Variants in FLNB observed in about 807,000 individuals in gnomAD.
FLNB encodes filamin-B.
FLNB carries 111 observed loss-of-function variants against 250.6 expected under a neutral mutation model. That is an observed-to-expected ratio of 0.44 (90% CI 0.38 to 0.52). The LOEUF is 0.52. Among genes scored for constraint, FLNB ranks in the 20% least tolerant of loss-of-function variants. The probability of loss-of-function intolerance (pLI) is 0.00; values close to 1 mark genes in which losing one functional copy is unlikely to be tolerated. For missense variants in FLNB, 2,869 were observed against 3,447.8 expected, an observed-to-expected ratio of 0.83 and a Z score of 4.20; for synonymous variants, 1,302 against 1,372.1, an observed-to-expected ratio of 0.95 and a Z score of 1.13.
intron 4 of FLNB, among the ~76,000 whole-genome samples, chr3:58,090,397 A>AT (rs1163052079): frequency 1.3e-5 from 2 of 152,210 alleles, no homozygotes; most frequent in Non-Finnish European, 2.9e-5. Context: ...CTAAAATATA[A>AT]TGATAAAAAG....
At chr3:58,067,836 A>G (rs561988138) in intron 1 of FLNB, among the ~76,000 whole-genome samples, 7 of 152,072 alleles carry the variant, frequency 4.6e-5, no homozygotes, top group Non-Finnish European at 1.0e-4. Flanking sequence ...CCGCCTCCCA[A>G]AGTGCTGGGA....
At position 58,163,267 on chromosome 3, in the gene FLNB, G is replaced by A. The variant is rs2097364651; in HGVS notation, c.7135G>A (p.Gly2379Arg). The change falls in exon 43 of 46, where the codon GGA becomes AGA. Residue 2379 changes from glycine to arginine, a missense_variant. Coordinates refer to ENST00000295956, the MANE Select transcript of FLNB (RefSeq NM_001457.4). ...SPFKVRVGEP[G>R]QAGNPALVSA... is the part of the protein sequence containing the mutation. ...CTTCAAAGTGCGCGTTGGGGAGCCT[G>A]GACAAGCGGGGAACCCTGCCCTGGT... The A allele has an allele frequency of 6.2e-7, 1 of 1,614,244 alleles. No homozygotes were observed. The highest frequency in any genetic ancestry group is 1.1e-5 in the South Asian group (1 of 91,088).
chr3:58,036,848 G>A (rs955698836), intron 1 of FLNB, among the ~76,000 whole-genome samples: 2 of 152,148 alleles, frequency 1.3e-5, no homozygotes, highest in Admixed American at 6.6e-5. Flanking sequence ...AAGGTTAGAA[G>A]CAAGATGGAG....
intron 1 of FLNB, among the ~76,000 whole-genome samples, chr3:58,045,937 T>C (rs1016064577): frequency 1.4e-5 from 2 of 141,178 alleles, no homozygotes; most frequent in Non-Finnish European, 3.0e-5. Context: ...GAGGTGGAGG[T>C]TGCAGTGAGC....
intron 1 of FLNB, among the ~76,000 whole-genome samples, chr3:58,043,141 CTTTTT>C (rs58727890): frequency 9.8e-6 from 1 of 101,982 alleles, no homozygotes; most frequent in East Asian, 3.4e-4. Flanking sequence ...TTTGGCATTC[CTTTTT>C]TTTTTTTTTT....
intron 1 of FLNB, among the ~76,000 whole-genome samples, chr3:58,074,624 A>T (rs1423363691): frequency 6.6e-6 from 1 of 152,224 alleles, no homozygotes; most frequent in Non-Finnish European, 1.5e-5. Flanking sequence ...GTGAATTTGT[A>T]TCTGTTTCCT....
chr3:58,155,820 G>A, intron 40 of FLNB, 140 bp from the exon 41 acceptor site: 1 of 677,638 alleles, frequency 1.5e-6, no homozygotes, highest in Admixed American at 2.1e-5. Context: ...GCCTCAGCCA[G>A]GCGACTCCCA....
intron 28 of FLNB, among the ~76,000 whole-genome samples, chr3:58,136,917 A>G (rs922197896): frequency 2.0e-5 from 3 of 151,514 alleles, no homozygotes; most frequent in Non-Finnish European, 4.4e-5. Context: ...TCAGGGTTTC[A>G]CCATAATTGG....
chr3:58,104,057 A>C lies in FLNB; in HGVS notation c.1582A>C (p.Thr528Pro). The C allele has an allele frequency of 6.2e-7, 1 of 1,613,978 alleles. No homozygotes were observed. The highest frequency in any genetic ancestry group is 8.5e-7 in the Non-Finnish European group (1 of 1,180,018). Residue 528 changes from threonine (T) to proline (P), a missense_variant, in exon 10 of 46, where the codon ACA becomes CCA. Physicochemically the swap from Thr to Pro is conservative, Grantham distance 38 (BLOSUM62 -1). Coordinates refer to ENST00000295956, the MANE Select transcript of FLNB (RefSeq NM_001457.4). Reference protein sequence around the residue: ...STPGRYSIAITWGGHHIPKSP... With the variant: ...STPGRYSIAIPWGGHHIPKSP... ...CCCGGGGAGATACAGCATTGCCATC[A>C]CATGGGGGGGACACCACATTCCAAA...
At chr3:58,093,171 A>G (rs960187689) in intron 4 of FLNB, among the ~76,000 whole-genome samples, 15 of 152,180 alleles carry the variant, frequency 9.9e-5, no homozygotes, top group African/African-American at 3.4e-4. Context: ...GCAGTTGTGT[A>G]GTGAAGGATA....
At chr3:58,109,146 C>T (rs1056297554) in intron 13 of FLNB, 33 bp from the exon 14 acceptor site, 2 of 1,613,938 alleles carry the variant, frequency 1.2e-6, no homozygotes, top group Non-Finnish European at 1.7e-6. Context: ...AGTGTGAGGG[C>T]CACCTCTGGT....
intron 4 of FLNB, among the ~76,000 whole-genome samples, chr3:58,088,036 G>GA (rs2097220175): frequency 1.8e-5 from 2 of 112,318 alleles, no homozygotes; most frequent in Non-Finnish European, 3.6e-5. Context: ...ACGGCGCCCA[G>GA]CCTTTTTTTT....
intron 1 of FLNB, among the ~76,000 whole-genome samples, chr3:58,039,561 T>A (rs954155293): frequency 6.6e-6 from 1 of 152,174 alleles, no homozygotes; most frequent in African/African-American, 2.4e-5. Flanking sequence ...CCTACTAGAC[T>A]TGACTCTACT....
At position 58,142,952 on chromosome 3, in the gene FLNB, C is replaced by T. The variant is rs373586433; in HGVS notation, c.5284+200C>T. 1.3e-5 allele frequency among the ~76,000 whole-genome samples: 2 copies of T among 152,228 alleles called. No individual in the cohort carries two copies. Among genetic ancestry groups the T allele is most frequent in the African/African-American group, 4.8e-5 (2 of 41,462 alleles). On this transcript the variant is annotated intron_variant, in intron 31 of 45. Transcript: ENST00000295956. The surrounding 1 kb of genome is among the most constrained non-coding windows in gnomAD (Gnocchi z 4.3). ...TGTGTGTTTCTCTGAAGAAGTGGCTCACTGACAACTTGCATTACTTTCTTG... is the reference window on the plus strand; with the variant it reads ...TGTGTGTTTCTCTGAAGAAGTGGCTTACTGACAACTTGCATTACTTTCTTG...
chr3:58,152,054 G>A (rs2097346000), intron 38 of FLNB, among the ~76,000 whole-genome samples: 1 of 152,176 alleles, frequency 6.6e-6, no homozygotes, highest in South Asian at 2.1e-4. Context: ...AAATTTCTGT[G>A]CTCTGCTTAT....
rs528074020 is a variant in FLNB, at chr3:58,041,105, G to A, written c.292+32249G>A. On this transcript the variant is annotated intron_variant, in intron 1 of 45. Coordinates refer to ENST00000295956, the MANE Select transcript of FLNB (RefSeq NM_001457.4). ...CTGAGGAAACTGAGGCTACATTTAC[G>A]GTCACCTAGCTGGCAAGCAAGTGGC... Among the ~76,000 whole-genome samples, 50 of 152,208 alleles carry A rather than the reference G, an allele frequency of 3.3e-4. No homozygotes were observed. The South Asian group carries it at 6.2e-3, about 19-fold the overall frequency.
chr3:58,135,870 TTCTG>T lies in FLNB; in HGVS notation c.4672-103_4672-100del, dbSNP rs2097315058. 2.5e-5 allele frequency: 28 copies of T among 1,107,564 alleles called. No homozygotes were observed. The South Asian group carries it at 3.5e-4, about 14-fold the overall frequency. The allele number at this position is 1,107,564 out of a possible 1,614,324, so 68.6% of individuals were successfully genotyped here. A position where few individuals can be genotyped will look rare whatever the true frequency, so the allele number is the denominator to read the frequency against. ...AAACTAGATTGTATTAAGCCATCAA[TTCTG>T]TCTGTTTCCACTAGAGGCACTAATT... On this transcript the variant is annotated intron_variant, in intron 27 of 45. Coordinates refer to ENST00000295956, the MANE Select transcript of FLNB (RefSeq NM_001457.4).
chr3:58,086,217 T>C (rs1428421266), intron 4 of FLNB, among the ~76,000 whole-genome samples: 1 of 150,456 alleles, frequency 6.6e-6, no homozygotes, highest in South Asian at 2.1e-4. Context: ...CCCAGGCTGG[T>C]CTCAAAATCC....
At position 58,171,750 on chromosome 3, in the gene FLNB, A is replaced by AAT. The variant is rs1362538483; in HGVS notation, c.*990_*991dup. On this transcript the variant is annotated 3_prime_UTR_variant, in exon 46 of 46. Coordinates refer to ENST00000295956, the MANE Select transcript of FLNB (RefSeq NM_001457.4). The surrounding 1 kb of genome is among the most constrained non-coding windows in gnomAD (Gnocchi z 5.5). ...ACTTCATGGGTCACTTTTTCTGGAA[A>AAT]ATAATGATCTGTACAGACAGGACAG... 1.3e-5 allele frequency: 2 copies of AAT among 152,338 alleles called. No individual in the cohort carries two copies. The highest frequency in any genetic ancestry group is 4.8e-5 in the African/African-American group (2 of 41,458). 9.4% of individuals were successfully genotyped at this position (152,338 alleles called of 1,614,324 possible).
Sources: gnomAD v4.1 joint callset for allele counts (sites outside exome capture counted in the v4.1 genomes callset) on GRCh38, gnomAD v4.1.1 for gene constraint, Gnocchi (gnomAD v3.1) non-coding constraint, MANE v1.5 for transcripts, NCBI Gene and HGNC (gene_info 2026-07-23, HGNC 2026-07-21) for gene names.